CABLES1: variants seen among roughly 807,000 people sequenced by gnomAD.
CABLES1 encodes CDK5 and ABL1 enzyme substrate 1.
Under a neutral mutation model 57.8 loss-of-function variants are expected in CABLES1, and 36 were observed. That is an observed-to-expected ratio of 0.62 (90% CI 0.48 to 0.82). CABLES1 has a LOEUF of 0.82. CABLES1 is among the 40% of genes least tolerant of loss of function. The pLI is 0.00. For synonymous variants in CABLES1, 374 were observed against 363.0 expected (o/e 1.03, Z -0.35); for missense variants, 767 against 836.6 (o/e 0.92, Z 1.03).
At chr18:23,185,750 G>A (rs1568058827) in intron 1 of CABLES1, among the ~76,000 whole-genome samples, 1 of 152,204 alleles carries the variant, frequency 6.6e-6, no homozygotes, top group African/African-American at 2.4e-5. Flanking sequence ...AGGCCAAAGT[G>A]TGACAGAACG....
chr18:23,223,579 GAAAA>G (rs1164603815), intron 4 of CABLES1, among the ~76,000 whole-genome samples: 16 of 71,876 alleles, frequency 2.2e-4, no homozygotes, highest in South Asian at 4.4e-4. Context: ...CTCCGTCTCA[GAAAA>G]AAAAAAAAAA....
intron 7 of CABLES1, among the ~76,000 whole-genome samples, chr18:23,248,510 G>GTTTTTTTT: frequency 1.1e-5 from 1 of 92,358 alleles, no homozygotes; most frequent in African/African-American, 4.9e-5. Flanking sequence ...AAGACCCTAT[G>GTTTTTTTT]TCTTTTTTTT....
At position 23,257,661 on chromosome 18, in the gene CABLES1, C is replaced by G. The variant is rs1341450702; in HGVS notation, c.*294C>G. ...CCCTAGCTGCCCCAGCCCAGTCTTT[C>G]TCCCCGGCATTCACAAACTTTGCAA... On this transcript the variant is annotated 3_prime_UTR_variant, in exon 10 of 10. Coordinates refer to ENST00000256925, the MANE Select transcript of CABLES1 (RefSeq NM_001100619.3). 6.8e-6 allele frequency: 2 copies of G among 294,526 alleles called. No homozygotes were observed. Among genetic ancestry groups the G allele is most frequent in the Non-Finnish European group, 6.1e-6 (1 of 162,750 alleles). The allele number at this position is 294,526 out of a possible 1,614,324, so 18.2% of individuals were successfully genotyped here.
chr18:23,213,934 G>C, intron 3 of CABLES1, 43 bp from the exon 4 acceptor site: 1 of 1,333,724 alleles, frequency 7.5e-7, no homozygotes. Flanking sequence ...TTGATTCTTT[G>C]CATTTAGTGT....
chr18:23,220,847 CTG>C (rs1046392975), intron 4 of CABLES1, among the ~76,000 whole-genome samples: 4 of 152,198 alleles, frequency 2.6e-5, no homozygotes, highest in Non-Finnish European at 5.9e-5. Flanking sequence ...GAAAAATAAT[CTG>C]TGTAATTTCC....
At chr18:23,250,331 G>C (rs1167053591) in intron 7 of CABLES1, among the ~76,000 whole-genome samples, 2 of 113,066 alleles carry the variant, frequency 1.8e-5, no homozygotes, top group Admixed American at 1.9e-4. Context: ...GGAGTTCAGG[G>C]TGCCTGGATT....
In CABLES1 at chr18:23,169,606, C is replaced by A. The variant is rs2047068159; in HGVS notation, c.846-19232C>A. Among the ~76,000 whole-genome samples the A allele has an allele frequency of 2.6e-5, 4 of 152,180 alleles. No individual in the cohort carries two copies. In the South Asian group the frequency reaches 8.3e-4, roughly 32 times the overall value. ...CCCCAGCTCAACCAAGGCATTAAAC[C>A]CAAGTCATTCCTCCCCAGTGGGTAA... On this transcript the variant is annotated intron_variant, in intron 1 of 9. Transcript: ENST00000256925.
chr18:23,190,102 G>A (rs889577129), intron 2 of CABLES1, among the ~76,000 whole-genome samples: 2 of 152,220 alleles, frequency 1.3e-5, no homozygotes, highest in Non-Finnish European at 2.9e-5. Context: ...ACTCTGTGAG[G>A]AGCAGTTCAG....
At chr18:23,164,163 T>C (rs890836742) in intron 1 of CABLES1, among the ~76,000 whole-genome samples, 4 of 152,212 alleles carry the variant, frequency 2.6e-5, no homozygotes, top group African/African-American at 9.6e-5. Flanking sequence ...AAATATCACT[T>C]TCCCCTGAAG....
At chr18:23,139,718 G>T (rs2046845719) in intron 1 of CABLES1, among the ~76,000 whole-genome samples, 1 of 152,136 alleles carries the variant, frequency 6.6e-6, no homozygotes, top group South Asian at 2.1e-4. Flanking sequence ...GCTCAGAGAG[G>T]TTGAGTAATT....
chr18:23,179,598 C>T (rs2047149504), intron 1 of CABLES1, among the ~76,000 whole-genome samples: 1 of 152,240 alleles, frequency 6.6e-6, no homozygotes, highest in Non-Finnish European at 1.5e-5. Flanking sequence ...GTGACCTGGC[C>T]CGGCCAGTAT....
At chr18:23,148,953 G>A (rs976309723) in intron 1 of CABLES1, among the ~76,000 whole-genome samples, 12 of 151,796 alleles carry the variant, frequency 7.9e-5, no homozygotes, top group Admixed American at 5.3e-4. Context: ...GCAGTGGCGT[G>A]ATCTCAGTTT....
intron 7 of CABLES1, among the ~76,000 whole-genome samples, chr18:23,250,339 AT>A (rs5823378): frequency 0.48 from 73,442 of 151,892 alleles, 20,104 homozygotes; most frequent in African/African-American, 0.73. Context: ...GGGTGCCTGG[AT>A]TGGGGGGTGA....
At chr18:23,179,755 A>G (rs1176917369) in intron 1 of CABLES1, among the ~76,000 whole-genome samples, 1 of 152,242 alleles carries the variant, frequency 6.6e-6, no homozygotes, top group Non-Finnish European at 1.5e-5. Context: ...GTGGACAACA[A>G]AACAAAGCAT....
At position 23,136,611 on chromosome 18, in the gene CABLES1, A is replaced by G; in HGVS notation, c.845+4A>G. 7.1e-7 allele frequency: 1 copy of G among 1,402,404 alleles called. No homozygotes were observed. The highest frequency in any genetic ancestry group is 9.3e-7 in the Non-Finnish European group (1 of 1,077,272). The allele number at this position is 1,402,404 out of a possible 1,614,324, so 86.9% of individuals were successfully genotyped here. A position where few individuals can be genotyped will look rare whatever the true frequency, so the allele number is the denominator to read the frequency against. On this transcript the variant is annotated splice_donor_region_variant and intron_variant, in intron 1 of 9. Coordinates refer to ENST00000256925, the MANE Select transcript of CABLES1 (RefSeq NM_001100619.3). ...TCGAGCAGCTGCAGAGGTCCCGGTG[A>G]GTATCCGGGATGCGACGCGCACCCA... is the stretch of plus-strand genomic sequence containing the variant.
chr18:23,140,589 A>G (rs1266547549), intron 1 of CABLES1, among the ~76,000 whole-genome samples: 2 of 151,988 alleles, frequency 1.3e-5, no homozygotes, highest in Non-Finnish European at 2.9e-5. Flanking sequence ...GGCGTGCGCC[A>G]CCACGCCTGG....
At chr18:23,180,173 A>G (rs1226478279) in intron 1 of CABLES1, among the ~76,000 whole-genome samples, 1 of 152,116 alleles carries the variant, frequency 6.6e-6, no homozygotes, top group East Asian at 1.9e-4. Flanking sequence ...CACCCGCCTC[A>G]GCCTCCCAAA....
rs2048187330 is a variant in CABLES1, at chr18:23,257,121, T to C, written c.1762-106T>C. ...TCCACAGAGCTTTGCCCAAAGTGGA[T>C]TTCTCCTGAGCACTCACTGGCTGGT... is the stretch of plus-strand genomic sequence containing the variant. On this transcript the variant is annotated intron_variant, in intron 9 of 9. Transcript: ENST00000256925. 2.3e-6 allele frequency: 3 copies of C among 1,302,574 alleles called. No homozygotes were observed. The South Asian group carries it at 3.9e-5, about 17-fold the overall frequency. 80.7% of individuals were successfully genotyped at this position (1,302,574 alleles called of 1,614,324 possible).
intron 4 of CABLES1, among the ~76,000 whole-genome samples, chr18:23,222,032 C>G (rs1425030099): frequency 1.3e-5 from 2 of 152,172 alleles, no homozygotes; most frequent in African/African-American, 4.8e-5. Context: ...GCATAGATGT[C>G]CAAACGGATT....
Sources: allele counts gnomAD v4.1 joint callset (sites outside exome capture counted in the v4.1 genomes callset), GRCh38; gene constraint gnomAD v4.1.1; transcripts MANE v1.5; gene names NCBI Gene and HGNC (gene_info 2026-07-23, HGNC 2026-07-21).